The following IQSEC1 variants were observed in gnomAD, a reference collection of about 807,000 sequenced individuals.
IQSEC1 encodes the protein IQ motif and SEC7 domain-containing protein 1.
In IQSEC1, 31 loss-of-function variants were observed where a neutral mutation model predicts 91.0. The observed-to-expected ratio is 0.34, with a 90% CI of 0.26 to 0.46. The LOEUF is 0.46. IQSEC1 is among the 20% of genes least tolerant of loss of function. The probability of loss-of-function intolerance (pLI) is 1.00; values close to 1 mark genes in which losing one functional copy is unlikely to be tolerated. For missense variants in IQSEC1, 1,388 were observed against 1,575.6 expected (o/e 0.88, Z 2.02); for synonymous variants, 699 against 662.6 (o/e 1.05, Z -0.84).
At chr3:12,905,577 T>C (rs535510848) in intron 12 of IQSEC1, among the ~76,000 whole-genome samples, 20 of 152,352 alleles carry the variant, frequency 1.3e-4, no homozygotes, top group Admixed American at 2.6e-4. Context: ...GGCTGTCTGA[T>C]TCTGGCATCT....
chr3:12,899,948 A>G lies in IQSEC1; in HGVS notation c.*1035T>C. The G allele has an allele frequency of 1.0e-6, 1 of 985,326 alleles. No homozygotes were observed. Among genetic ancestry groups the G allele is most frequent in the Non-Finnish European group, 1.2e-6 (1 of 829,908 alleles). The allele number at this position is 985,326 out of a possible 1,614,324, so 61.0% of individuals were successfully genotyped here. On this transcript the variant is annotated 3_prime_UTR_variant, in exon 14 of 14. Coordinates refer to ENST00000613206, the MANE Select transcript of IQSEC1 (RefSeq NM_001134382.3). ...GGAGGACTCTGAATGAGTGTGCGTC[A>G]AATCATATGCGCATAAAAGAAACAT...
chr3:13,065,437 A>G lies in IQSEC1; in HGVS notation c.23+7555T>C, dbSNP rs187959009. Among the ~76,000 whole-genome samples the G allele has an allele frequency of 5.3e-5, 8 of 152,334 alleles. No individual in the cohort carries two copies. The East Asian group carries it at 1.5e-3, about 29-fold the overall frequency. ...TGAATAATCTCTCAGTTATATGACT[A>G]TATTTGAAAAACAACAAAGACGTAA... On this transcript the variant is annotated intron_variant, in intron 1 of 13. Transcript: ENST00000613206.
chr3:13,126,362 T>C (rs1239613678), intron 2 of IQSEC1, among the ~76,000 whole-genome samples: 1 of 152,260 alleles, frequency 6.6e-6, no homozygotes, highest in East Asian at 1.9e-4. Flanking sequence ...GTTCATTTCT[T>C]TCTCTTGCCA....
intron 1 of IQSEC1, among the ~76,000 whole-genome samples, chr3:13,175,953 G>C (rs561190165): frequency 6.6e-6 from 1 of 152,202 alleles, no homozygotes; most frequent in African/African-American, 2.4e-5. Context: ...TGCAATTTAC[G>C]AATGCTGGGG....
In IQSEC1 at chr3:12,942,251, C is replaced by G. The variant is rs567400916; in HGVS notation, c.24-386G>C. The stretch of plus-strand genomic sequence containing the variant: ...AGCAGGTGCTCAGCAATTACTGACT[C>G]AGCGAATTCTGTCGCCTTTTCTCCT... On this transcript the variant is annotated intron_variant, in intron 1 of 13. Coordinates refer to ENST00000613206, the MANE Select transcript of IQSEC1 (RefSeq NM_001134382.3). 2.6e-5 allele frequency among the ~76,000 whole-genome samples: 4 copies of G among 152,334 alleles called. No individual in the cohort carries two copies. The South Asian group carries it at 6.2e-4, about 24-fold the overall frequency.
At chr3:13,209,507 C>A (rs988983836) in intron 1 of IQSEC1, among the ~76,000 whole-genome samples, 1 of 152,350 alleles carries the variant, frequency 6.6e-6, no homozygotes, top group South Asian at 2.1e-4. Context: ...CCTTCCAGAC[C>A]AGTGCAGCTT....
At chr3:12,987,168 C>T (rs1227474214) in intron 1 of IQSEC1, 1 of 231,864 alleles carries the variant, frequency 4.3e-6, no homozygotes, top group Non-Finnish European at 9.2e-6. Context: ...AGACACGTGA[C>T]ACTGCAGCCC....
chr3:13,100,950 G>A (rs1706047290), intron 2 of IQSEC1, among the ~76,000 whole-genome samples: 1 of 148,420 alleles, frequency 6.7e-6, no homozygotes, highest in African/African-American at 2.5e-5. Flanking sequence ...TCTTTGAATT[G>A]AGACCTGAAC....
chr3:13,124,184 G>A (rs914257186), intron 2 of IQSEC1, among the ~76,000 whole-genome samples: 1 of 152,174 alleles, frequency 6.6e-6, no homozygotes. Context: ...AGGGGCTGGG[G>A]GAGTGGCAGT....
At chr3:13,176,781 A>T (rs357135) in intron 1 of IQSEC1, among the ~76,000 whole-genome samples, 23 of 152,060 alleles carry the variant, frequency 1.5e-4, no homozygotes, top group Admixed American at 2.6e-4. Context: ...TAAATGCGTC[A>T]GTGAGCTGCC....
intron 2 of IQSEC1, among the ~76,000 whole-genome samples, chr3:13,079,463 T>C (rs1413046348): frequency 6.6e-6 from 1 of 152,218 alleles, no homozygotes; most frequent in Non-Finnish European, 1.5e-5. Context: ...TTGCCGCTTC[T>C]TTAATCTCTG....
intron 1 of IQSEC1, among the ~76,000 whole-genome samples, chr3:13,226,987 G>A (rs564612733): frequency 6.6e-5 from 10 of 152,214 alleles, no homozygotes; most frequent in East Asian, 1.9e-4. Context: ...AGAACTCCTC[G>A]TTTGGGATCG....
chr3:13,238,586 C>T (rs569051278), intron 1 of IQSEC1, among the ~76,000 whole-genome samples: 2 of 152,338 alleles, frequency 1.3e-5, no homozygotes, highest in South Asian at 4.1e-4. Context: ...CGTCTTGTCC[C>T]CACCACATTC....
intron 1 of IQSEC1, among the ~76,000 whole-genome samples, chr3:13,225,985 A>G (rs1309931340): frequency 6.6e-6 from 1 of 151,874 alleles, no homozygotes; most frequent in Non-Finnish European, 1.5e-5. Context: ...GTTCAAGTCA[A>G]TTCTCCTGCC....
intron 1 of IQSEC1, among the ~76,000 whole-genome samples, chr3:13,066,940 C>T (rs1345581770): frequency 6.6e-6 from 1 of 152,200 alleles, no homozygotes; most frequent in Admixed American, 6.5e-5. Flanking sequence ...TGTGAATGAG[C>T]CAGCATGCCT....
In IQSEC1 at chr3:13,259,715, C is replaced by T. The variant is rs111921511; in HGVS notation, c.272+22996G>A. On this transcript the variant is annotated intron_variant, in intron 1 of 15. Transcript: ENST00000648114. The surrounding 1 kb of genome is among the most constrained non-coding windows in gnomAD (Gnocchi z 4.6). ...TCCCACAAACCTCCTTTCTTCCTGC[C>T]CTCCCGTGGGAGCCTCCAATGCTTA... 5.1e-4 allele frequency among the ~76,000 whole-genome samples: 77 copies of T among 152,316 alleles called. No homozygotes were observed. The highest frequency in any genetic ancestry group is 1.7e-3 in the African/African-American group (72 of 41,552).
intron 2 of IQSEC1, among the ~76,000 whole-genome samples, chr3:13,123,532 T>A (rs1389777012): frequency 6.6e-6 from 1 of 152,242 alleles, no homozygotes; most frequent in Non-Finnish European, 1.5e-5. Flanking sequence ...CCTTGTGACT[T>A]CGCCATTTTG....
chr3:12,910,502 A>G (rs1412768480), intron 10 of IQSEC1, among the ~76,000 whole-genome samples: 2 of 152,256 alleles, frequency 1.3e-5, no homozygotes, highest in Admixed American at 1.3e-4. Context: ...TGGTCAGGAC[A>G]ATGTGGGGAT....
chr3:13,077,214 G>C (rs556913236), upstream of IQSEC1, among the ~76,000 whole-genome samples: 9 of 152,090 alleles, frequency 5.9e-5, no homozygotes, highest in South Asian at 1.9e-3. Context: ...TTTAATAAAA[G>C]ATTTAAAATG....
Sources: gnomAD v4.1 joint callset for allele counts (sites outside exome capture counted in the v4.1 genomes callset) on GRCh38, gnomAD v4.1.1 for gene constraint, Gnocchi (gnomAD v3.1) non-coding constraint, MANE v1.5 for transcripts, NCBI Gene and HGNC (gene_info 2026-07-23, HGNC 2026-07-21) for gene names.